SNX29: variants seen among roughly 807,000 people sequenced by gnomAD.
SNX29 encodes the protein sorting nexin 29.
In SNX29, 78 loss-of-function variants were observed where a neutral mutation model predicts 102.1. The ratio of observed to expected loss-of-function variants is 0.76; its 90% CI spans 0.64 to 0.92. SNX29 has a LOEUF of 0.92. Ranked by LOEUF, SNX29 falls within the 40% of genes least tolerant of loss-of-function variation. The pLI is 0.00. For missense variants in SNX29, 1,280 were observed against 1,061.7 expected, an observed-to-expected ratio of 1.21 and a Z score of -2.86; for synonymous variants, 580 against 414.5, an observed-to-expected ratio of 1.40 and a Z score of -4.85.
At chr16:12,264,372 G>A (rs1327814511) in intron 14 of SNX29, among the ~76,000 whole-genome samples, 1 of 152,240 alleles carries the variant, frequency 6.6e-6, no homozygotes, top group Non-Finnish European at 1.5e-5. Flanking sequence ...TCCCGAGGAA[G>A]GCTTTGTTCC....
intron 15 of SNX29, among the ~76,000 whole-genome samples, chr16:12,307,356 G>A (rs774823215): frequency 4.6e-5 from 7 of 152,174 alleles, no homozygotes; most frequent in Non-Finnish European, 1.0e-4. Context: ...GCCACAGAGA[G>A]AACTGTATCC....
intron 1 of SNX29, 93 bp downstream of exon 1, chr16:11,976,906 G>T (rs764529719): frequency 7.8e-7 from 1 of 1,278,138 alleles, no homozygotes; most frequent in Non-Finnish European, 9.9e-7. Context: ...CTCGCGCCCC[G>T]CTCCCTCGCA....
At chr16:12,517,915 C>T (rs1163414206) in intron 19 of SNX29, among the ~76,000 whole-genome samples, 2 of 151,864 alleles carry the variant, frequency 1.3e-5, no homozygotes, top group Non-Finnish European at 2.9e-5. Flanking sequence ...CAGATGAAGA[C>T]AGGAGACATC....
chr16:12,028,255 C>T (rs2057246453), intron 4 of SNX29, among the ~76,000 whole-genome samples: 1 of 152,176 alleles, frequency 6.6e-6, no homozygotes, highest in African/African-American at 2.4e-5. Context: ...CATTTGGTGG[C>T]GGTGTGTGGA....
chr16:12,548,605 C>G (rs577214332), intron 20 of SNX29, among the ~76,000 whole-genome samples: 1 of 152,316 alleles, frequency 6.6e-6, no homozygotes, highest in Non-Finnish European at 1.5e-5. Flanking sequence ...CCCGGGTACT[C>G]TGTCCAAGCC....
At position 12,099,208 on chromosome 16, in the gene SNX29, C is replaced by G. The variant is rs9923238; in HGVS notation, c.1402+20293C>G. 4.2e-3 allele frequency among the ~76,000 whole-genome samples: 642 copies of G among 152,296 alleles called. 9 individuals carry two copies. The highest frequency in any genetic ancestry group is 0.015 in the African/African-American group (604 of 41,560). On this transcript the variant is annotated intron_variant, in intron 11 of 20. Transcript: ENST00000566228. Reference sequence around the variant, plus strand: ...CTGTCTTTCACATGTTTGCTGTGAACATTGGCTAAAATAAAGTAGGTAGAG... The same window carrying G: ...CTGTCTTTCACATGTTTGCTGTGAAGATTGGCTAAAATAAAGTAGGTAGAG...
Position 12,571,845 on chromosome 16 carries a change from A to T in SNX29, c.*3216A>T, listed in dbSNP as rs1028527056. 3.8e-6 allele frequency: 4 copies of T among 1,056,004 alleles called. No individual in the cohort carries two copies. The highest frequency in any genetic ancestry group is 4.6e-6 in the Non-Finnish European group (4 of 871,946). 65.4% of individuals were successfully genotyped at this position (1,056,004 alleles called of 1,614,324 possible). A position where few individuals can be genotyped will look rare whatever the true frequency, so the allele number is the denominator to read the frequency against. On this transcript the variant is annotated 3_prime_UTR_variant, in exon 21 of 21. Transcript: ENST00000566228. ...TGATTCCCACTTAGCAGTATGCTCC[A>T]ATCACGTTGCTGGCAAGGCATTTTA...
At chr16:12,075,293 T>C (rs1026745218) in intron 10 of SNX29, among the ~76,000 whole-genome samples, 2 of 152,220 alleles carry the variant, frequency 1.3e-5, no homozygotes, top group Admixed American at 1.3e-4. Context: ...ATCTTTGTGG[T>C]TTCATCTACT....
chr16:12,181,891 T>TC (rs1297697818), intron 13 of SNX29, among the ~76,000 whole-genome samples: 1 of 151,920 alleles, frequency 6.6e-6, no homozygotes, highest in East Asian at 1.9e-4. Flanking sequence ...GCCTTTTTTT[T>TC]TTTTTTTCTG....
chr16:12,413,585 G>A (rs56218252), intron 18 of SNX29, among the ~76,000 whole-genome samples: 6 of 151,508 alleles, frequency 4.0e-5, no homozygotes, highest in Admixed American at 3.9e-4. Context: ...CAGGGCCCTC[G>A]AGACAATGGC....
At chr16:12,380,335 C>T (rs1220441661) in intron 16 of SNX29, among the ~76,000 whole-genome samples, 1 of 128,278 alleles carries the variant, frequency 7.8e-6, no homozygotes, top group African/African-American at 2.9e-5. Flanking sequence ...CACCCATACC[C>T]CCCACCCACC....
intron 13 of SNX29, among the ~76,000 whole-genome samples, chr16:12,159,203 A>G (rs964214214): frequency 6.6e-6 from 1 of 152,234 alleles, no homozygotes; most frequent in Non-Finnish European, 1.5e-5. Flanking sequence ...GACGATACCC[A>G]GCCAAGTTGA....
chr16:12,234,696 G>A (rs1029044328), intron 14 of SNX29, among the ~76,000 whole-genome samples: 5 of 152,114 alleles, frequency 3.3e-5, no homozygotes, highest in South Asian at 2.1e-4. Flanking sequence ...AGATGCTGTC[G>A]GCTTCAGCCC....
At chr16:12,539,185 T>C (rs542624924) in intron 20 of SNX29, among the ~76,000 whole-genome samples, 1 of 152,302 alleles carries the variant, frequency 6.6e-6, no homozygotes, top group African/African-American at 2.4e-5. Context: ...TTTAAACACA[T>C]GCATAGATTT....
chr16:12,255,945 A>G (rs1169018351), intron 14 of SNX29, among the ~76,000 whole-genome samples: 1 of 151,826 alleles, frequency 6.6e-6, no homozygotes, highest in Non-Finnish European at 1.5e-5. Flanking sequence ...TTTTTTGAGG[A>G]CCCTCCATGC....
rs1180274004 is a variant in SNX29 at position 12,538,826 on chromosome 16, CTGCAAAGTCACGT to C, written c.2318+13986_2318+13998del. Among the ~76,000 whole-genome samples, 6 of 152,280 alleles carry C rather than the reference CTGCAAAGTCACGT, an allele frequency of 3.9e-5. No homozygotes were observed. In the South Asian group the frequency reaches 8.3e-4, roughly 21 times the overall value. On this transcript the variant is annotated intron_variant, in intron 20 of 20. Coordinates refer to ENST00000566228, the MANE Select transcript of SNX29 (RefSeq NM_032167.5). ...AGAAACCAGAGTCAGTGGGAGGGCA[CTGCAAAGTCACGT>C]GGCAAAGAGGGGCACAGAGAACGGT... is the stretch of plus-strand genomic sequence containing the variant.
At chr16:12,095,911 C>T (rs1408067754) in intron 11 of SNX29, among the ~76,000 whole-genome samples, 1 of 152,216 alleles carries the variant, frequency 6.6e-6, no homozygotes, top group Non-Finnish European at 1.5e-5. Flanking sequence ...AAGAGATTCT[C>T]AACGCTAGTG....
intron 19 of SNX29, among the ~76,000 whole-genome samples, chr16:12,483,413 G>A (rs1007643420): frequency 6.6e-6 from 1 of 151,090 alleles, no homozygotes; most frequent in South Asian, 2.1e-4. Context: ...CGCCTCCCAG[G>A]TTCAAGTGAT....
intron 20 of SNX29, among the ~76,000 whole-genome samples, chr16:12,542,213 G>A (rs980244728): frequency 2.0e-5 from 3 of 152,176 alleles, no homozygotes; most frequent in East Asian, 1.9e-4. Context: ...CAAGGAATCT[G>A]CAACTCAGAG....
Sources: allele counts gnomAD v4.1 joint callset (sites outside exome capture counted in the v4.1 genomes callset), GRCh38; gene constraint gnomAD v4.1.1; transcripts MANE v1.5; gene names NCBI Gene and HGNC (gene_info 2026-07-23, HGNC 2026-07-21).